The following EXD3 variants were observed in gnomAD, a reference collection of about 807,000 sequenced individuals.
The protein encoded by EXD3 is exonuclease mut-7 homolog.
Under a neutral mutation model 98.0 loss-of-function variants are expected in EXD3, and 92 were observed. The ratio of observed to expected loss-of-function variants is 0.94; its 90% CI spans 0.79 to 1.12. The LOEUF (loss-of-function observed/expected upper bound fraction) is 1.12, where lower values mean the gene tolerates loss of function less well. Ranked by LOEUF, EXD3 falls within the 50% of genes most tolerant of loss-of-function variation. The pLI is 0.00. For missense variants in EXD3, 1,222 were observed against 1,191.6 expected (o/e 1.03, Z -0.38); for synonymous variants, 569 against 526.0 (o/e 1.08, Z -1.12).
At position 137,383,324 on chromosome 9, in the gene EXD3, C is replaced by G; in HGVS notation, c.109G>C (p.Glu37Gln). 1 of 1,549,878 alleles carries G rather than the reference C, an allele frequency of 6.5e-7. No individual in the cohort carries two copies. Among genetic ancestry groups the G allele is most frequent in the Non-Finnish European group, 8.7e-7 (1 of 1,146,542 alleles). Residue 37 changes from glutamate (E) to glutamine (Q), a missense_variant, in exon 3 of 22, where the codon GAG becomes CAG. Physicochemically the swap from Glu to Gln is conservative, Grantham distance 29. Coordinates refer to ENST00000340951, the MANE Select transcript of EXD3 (RefSeq NM_017820.5). ...QALQTLWSTR[E>Q]RKQLREEAWR... ...CCACGTCCACTCACCTGCTTCCGCT[C>G]CCGCGTGGACCACAGGGTCTGCAGG...
chr9:137,404,376 G>A lies in EXD3; in HGVS notation c.-47-8972C>T, dbSNP rs191957387. On this transcript the variant is annotated intron_variant, in intron 1 of 21. Coordinates refer to ENST00000340951, the MANE Select transcript of EXD3 (RefSeq NM_017820.5). ...TTCCCTCCGCCTTCATGAAAGAGGCGTGCCCATCTCCCAGATGAGAAAACT... is the reference window on the plus strand; with the variant it reads ...TTCCCTCCGCCTTCATGAAAGAGGCATGCCCATCTCCCAGATGAGAAAACT... Among the ~76,000 whole-genome samples, 78 of 152,288 alleles carry A rather than the reference G, an allele frequency of 5.1e-4. 1 individual carries two copies. Among genetic ancestry groups the A allele is most frequent in the Admixed American group, 4.8e-3 (74 of 15,290 alleles).
intron 18 of EXD3, 112 bp from the exon 19 acceptor site, chr9:137,323,968 T>G (rs1301574814): frequency 2.7e-5 from 41 of 1,526,830 alleles, no homozygotes; most frequent in Non-Finnish European, 3.5e-5. Context: ...CCACCAGGGG[T>G]ACGGCAGAGG....
chr9:137,412,756 ATG>A (rs1393825938), intron 1 of EXD3, among the ~76,000 whole-genome samples: 1 of 152,184 alleles, frequency 6.6e-6, no homozygotes, highest in Non-Finnish European at 1.5e-5. Context: ...AGGGAATTCC[ATG>A]TGTTTACCAT....
chr9:137,393,120 T>G lies in EXD3; in HGVS notation c.55+2183A>C, dbSNP rs1389281365. On this transcript the variant is annotated intron_variant, in intron 2 of 21. Coordinates refer to ENST00000340951, the MANE Select transcript of EXD3 (RefSeq NM_017820.5). The surrounding 1 kb of genome is among the most constrained non-coding windows in gnomAD (Gnocchi z 4.6). Reference sequence around the variant, plus strand: ...GCCGTGTCTGTTCCAGGGAGGGCCATTAGTGTTCCAGGGGGCGCCGAGGCT... The same window carrying G: ...GCCGTGTCTGTTCCAGGGAGGGCCAGTAGTGTTCCAGGGGGCGCCGAGGCT... The G allele has an allele frequency of 1.4e-5, 9 of 652,468 alleles. No individual in the cohort carries two copies. The East Asian group carries it at 2.4e-4, about 18-fold the overall frequency. The allele number at this position is 652,468 out of a possible 1,614,324, so 40.4% of individuals were successfully genotyped here. A position where few individuals can be genotyped will look rare whatever the true frequency, so the allele number is the denominator to read the frequency against.
chr9:137,414,833 C>T (rs1252860304), intron 1 of EXD3, among the ~76,000 whole-genome samples: 2 of 152,148 alleles, frequency 1.3e-5, no homozygotes, highest in Admixed American at 6.5e-5. Flanking sequence ...GTGGGCTCCA[C>T]GTAGGTCGCA....
At chr9:137,401,719 A>G (rs1207875424) in intron 1 of EXD3, among the ~76,000 whole-genome samples, 1 of 152,214 alleles carries the variant, frequency 6.6e-6, no homozygotes, top group African/African-American at 2.4e-5. Flanking sequence ...TGTCTGGGAC[A>G]TGGGGCACCA....
chr9:137,345,443 C>A (rs1290182458), intron 17 of EXD3, among the ~76,000 whole-genome samples: 3 of 152,128 alleles, frequency 2.0e-5, no homozygotes, highest in Admixed American at 2.0e-4. Flanking sequence ...GGGCAGATCA[C>A]CTGAGGTCAG....
chr9:137,345,562 T>G (rs1283910884), intron 17 of EXD3, among the ~76,000 whole-genome samples: 1 of 151,052 alleles, frequency 6.6e-6, no homozygotes, highest in Non-Finnish European at 1.5e-5. Flanking sequence ...CTCAGGAGGC[T>G]TAGACAGGAG....
At chr9:137,313,754 G>C (rs1277332873) in intron 19 of EXD3, among the ~76,000 whole-genome samples, 2 of 152,180 alleles carry the variant, frequency 1.3e-5, no homozygotes, top group Admixed American at 1.3e-4. Context: ...AGGCCACCAG[G>C]CAGGGCGATG....
At chr9:137,410,183 A>G (rs1398939390) in intron 1 of EXD3, among the ~76,000 whole-genome samples, 2 of 152,164 alleles carry the variant, frequency 1.3e-5, no homozygotes, top group East Asian at 3.9e-4. Flanking sequence ...CTCAAAAAAC[A>G]AAAATAATTA....
At chr9:137,384,380 C>T (rs143652120) in intron 2 of EXD3, among the ~76,000 whole-genome samples, 702 of 152,344 alleles carry the variant, frequency 4.6e-3, no homozygotes, top group African/African-American at 0.014. Context: ...GAGAGAACCA[C>T]GTGGCCCTTT....
At chr9:137,353,378 C>T (rs1834417953) in intron 10 of EXD3, 1 of 985,302 alleles carries the variant, frequency 1.0e-6, no homozygotes. Context: ...GGAGCACCTG[C>T]CCAGCCTGCC....
chr9:137,328,831 A>G (rs1194643167), intron 17 of EXD3, among the ~76,000 whole-genome samples: 2 of 42,262 alleles, frequency 4.7e-5, no homozygotes, highest in Non-Finnish European at 7.9e-5. Flanking sequence ...GTCACACGGG[A>G]CTACACGGGA....
At chr9:137,363,863 G>C (rs1190459256) in intron 7 of EXD3, among the ~76,000 whole-genome samples, 1 of 152,124 alleles carries the variant, frequency 6.6e-6, no homozygotes, top group Non-Finnish European at 1.5e-5. Flanking sequence ...TTTGCATTAA[G>C]TTGCAAACAA....
chr9:137,366,221 T>C (rs995911006), intron 7 of EXD3: 17 of 703,068 alleles, frequency 2.4e-5, no homozygotes, highest in Non-Finnish European at 4.4e-5. Context: ...CATGCCTGCA[T>C]GAGAAGAGCC....
At chr9:137,312,455 C>T (rs1017300467) in intron 19 of EXD3, among the ~76,000 whole-genome samples, 3 of 152,210 alleles carry the variant, frequency 2.0e-5, no homozygotes, top group African/African-American at 7.2e-5. Context: ...CGGGACTGTG[C>T]GGGCTGGGCC....
rs1834656545 is a variant in EXD3, at chr9:137,355,563, GGGAGGAT to G, written c.757+698_757+704del. Among the ~76,000 whole-genome samples the G allele has an allele frequency of 3.4e-3, 14 of 4,060 alleles. 2 individuals are homozygous for G. The highest frequency in any genetic ancestry group is 6.6e-3 in the African/African-American group (9 of 1,374). The allele number at this position is 4,060 out of a possible 152,430, so 2.7% of individuals were successfully genotyped here. ...GGAAGGAGGAAGGAGGAAGGAGGAA[GGGAGGAT>G]GGAGGAAGGAGGAAGGAGAAAGGGC... On this transcript the variant is annotated intron_variant, in intron 8 of 21. Coordinates refer to ENST00000340951, the MANE Select transcript of EXD3 (RefSeq NM_017820.5).
chr9:137,362,663 C>T (rs1835047617), intron 7 of EXD3, among the ~76,000 whole-genome samples: 1 of 152,078 alleles, frequency 6.6e-6, no homozygotes, highest in Non-Finnish European at 1.5e-5. Flanking sequence ...TGCACGGCCC[C>T]TTTGCCCATT....
chr9:137,346,238 CAAAAAAAAA>C (rs563761495), intron 17 of EXD3, among the ~76,000 whole-genome samples: 280 of 13,608 alleles, frequency 0.021, 7 homozygotes, highest in African/African-American at 0.073. Flanking sequence ...GACTCCGTCT[CAAAAAAAAA>C]AAAAAAAAAA....
Sources: allele counts gnomAD v4.1 joint callset (sites outside exome capture counted in the v4.1 genomes callset), GRCh38; gene constraint gnomAD v4.1.1; non-coding constraint Gnocchi (gnomAD v3.1); transcripts MANE v1.5; gene names NCBI Gene and HGNC (gene_info 2026-07-23, HGNC 2026-07-21).